TRAP1: variants seen among roughly 807,000 people sequenced by gnomAD.
TRAP1 encodes TNF receptor associated protein 1, also known as heat shock protein 75 kDa, mitochondrial.
A neutral mutation model predicts 89.1 loss-of-function variants in TRAP1; 102 were observed. The ratio of observed to expected loss-of-function variants is 1.15; its 90% confidence interval spans 0.98 to 1.35. TRAP1 has a LOEUF of 1.35. TRAP1 is among the 40% of genes most tolerant of loss of function. The pLI is 0.00. For synonymous variants in TRAP1, 508 were observed against 388.0 expected (o/e 1.31, Z -3.64); for missense variants, 1,256 against 945.3 (o/e 1.33, Z -4.31).
At chr16:3,710,513 C>G (rs528871336) in intron 1 of TRAP1, 1 of 152,254 alleles carries the variant, frequency 6.6e-6, no homozygotes, top group East Asian at 1.9e-4. Flanking sequence ...TGAAAACATC[C>G]AAGAGAGGTT....
Position 3,658,813 on chromosome 16 carries a change from C to T in TRAP1, c.1993G>A (p.Ala665Thr), listed in dbSNP as rs774787607. 1 of 1,613,806 alleles carries T rather than the reference C, an allele frequency of 6.2e-7. No individual in the cohort carries two copies. The highest frequency in any genetic ancestry group is 8.5e-7 in the Non-Finnish European group (1 of 1,179,942). The change falls in exon 17 of 18, where the codon GCT becomes ACT. Residue 665 changes from alanine (A) to threonine (T), a missense_variant. Transcript: ENST00000246957. ...CTCACCTGATCCACCAGCAGCTGAG[C>T]CAGGCCAGGCTCGCTTGCGCGCAGC... The part of the protein sequence containing the change: ...NQLRASEPGL[A>T]QLLVDQIYEN...
Position 3,662,963 on chromosome 16 carries a change from G to C in TRAP1, c.1713C>G (p.Ala571=), listed in dbSNP as rs144965528. 1 of 1,608,882 alleles carries C rather than the reference G, an allele frequency of 6.2e-7. No homozygotes were observed. The highest frequency in any genetic ancestry group is 1.7e-5 in the Admixed American group (1 of 59,958). The stretch of plus-strand genomic sequence containing the variant: ...CCGTCTCCTTCTCTGATAGGCACTC[G>C]GCGGCTGCGGAAGAGCAGGCGACAG... The part of the protein sequence containing the change: ...EEKFEDRSPA[A]ECLSEKETEE... The change falls in exon 15 of 18, where the codon GCC becomes GCG. Residue 571 remains alanine (A), a synonymous_variant. Transcript: ENST00000246957.
At chr16:3,698,263 G>A (rs2051316996) in intron 1 of TRAP1, among the ~76,000 whole-genome samples, 1 of 151,036 alleles carries the variant, frequency 6.6e-6, no homozygotes, top group African/African-American at 2.4e-5. Flanking sequence ...TAATTGAATT[G>A]ACAGCATTCT....
chr16:3,675,975 CTGG>C (rs1435240799), intron 7 of TRAP1, 58 bp downstream of exon 7: 1 of 1,418,052 alleles, frequency 7.1e-7, no homozygotes, highest in East Asian at 2.3e-5. Context: ...GCCTGCTGAC[CTGG>C]TGGCCTCCAG....
At chr16:3,691,919 G>T (rs1040809633) in intron 1 of TRAP1, among the ~76,000 whole-genome samples, 6 of 152,120 alleles carry the variant, frequency 3.9e-5, no homozygotes, top group African/African-American at 1.4e-4. Flanking sequence ...GCCCAGCGAG[G>T]GAGGAAAGCA....
chr16:3,712,413 T>G (rs147147803), intron 1 of TRAP1, among the ~76,000 whole-genome samples: 1 of 149,430 alleles, frequency 6.7e-6, no homozygotes, highest in South Asian at 2.1e-4. Flanking sequence ...TTTACTGACA[T>G]GGGGGGCAGG....
At chr16:3,667,560 G>C (rs2050852910) in intron 11 of TRAP1, among the ~76,000 whole-genome samples, 2 of 151,292 alleles carry the variant, frequency 1.3e-5, no homozygotes, top group Non-Finnish European at 2.9e-5. Flanking sequence ...GGGAGGCAGA[G>C]GTTTCGGTGA....
chr16:3,660,103 TG>T (rs2042985991), intron 16 of TRAP1: 1 of 152,144 alleles, frequency 6.6e-6, no homozygotes, highest in Admixed American at 6.5e-5. Context: ...ATTCTTAATA[TG>T]CTAATGTGGA....
At chr16:3,662,338 G>C (rs571706872) in intron 15 of TRAP1, 273 of 657,370 alleles carry the variant, frequency 4.2e-4, no homozygotes, top group Non-Finnish European at 6.5e-4. Context: ...TGTGCCCGAG[G>C]GGCTCCACCA....
intron 4 of TRAP1, among the ~76,000 whole-genome samples, chr16:3,682,264 CAT>C (rs1234822581): frequency 2.0e-5 from 3 of 151,490 alleles, no homozygotes; most frequent in African/African-American, 7.3e-5. Context: ...TAGAAGAAAA[CAT>C]AGGGCTGGAC....
intron 1 of TRAP1, among the ~76,000 whole-genome samples, chr16:3,716,870 T>TA (rs1459609293): frequency 6.6e-6 from 1 of 152,212 alleles, no homozygotes; most frequent in Non-Finnish European, 1.5e-5. Context: ...GGATGACTGC[T>TA]ATAGGTTTTG....
intron 1 of TRAP1, among the ~76,000 whole-genome samples, chr16:3,704,037 A>G (rs2051406125): frequency 6.6e-6 from 1 of 151,382 alleles, no homozygotes; most frequent in South Asian, 2.1e-4. Context: ...TCAAAAAACA[A>G]AACTATTTAC....
intron 4 of TRAP1, among the ~76,000 whole-genome samples, chr16:3,684,217 C>T (rs1237260328): frequency 6.6e-6 from 1 of 152,108 alleles, no homozygotes; most frequent in African/African-American, 2.4e-5. Flanking sequence ...CAGGTATATA[C>T]ATAAAATATT....
chr16:3,684,312 G>A (rs570344771), intron 4 of TRAP1, among the ~76,000 whole-genome samples: 1 of 152,170 alleles, frequency 6.6e-6, no homozygotes, highest in African/African-American at 2.4e-5. Flanking sequence ...ATCAATTCAA[G>A]CTAGACAGTG....
intron 6 of TRAP1, among the ~76,000 whole-genome samples, chr16:3,677,209 C>T (rs1476798150): frequency 6.6e-6 from 1 of 152,160 alleles, no homozygotes. Flanking sequence ...TAGTGTCCAC[C>T]AGGCGACAGG....
rs2051613633 is a variant in TRAP1 at position 3,717,479 on chromosome 16, C to T, written c.30G>A (p.Leu10=). The T allele has an allele frequency of 7.5e-7, 1 of 1,337,228 alleles. No homozygotes were observed. The highest frequency in any genetic ancestry group is 1.5e-5 in the African/African-American group (1 of 64,902). 82.8% of individuals were successfully genotyped at this position (1,337,228 alleles called of 1,614,324 possible). A position where few individuals can be genotyped will look rare whatever the true frequency, so the allele number is the denominator to read the frequency against. MARELRALL[L]WGRRLRPLLR... The stretch of plus-strand genomic sequence containing the variant: ...GCAAAGGCCGCAGGCGGCGGCCCCA[C>T]AGCAGCAGCGCCCGCAGCTCGCGCG... Residue 10 remains leucine (L), a synonymous_variant, in exon 1 of 18, where the codon CTG becomes CTA. Transcript: ENST00000246957.
chr16:3,703,284 A>G (rs2051393833), intron 1 of TRAP1, among the ~76,000 whole-genome samples: 2 of 151,652 alleles, frequency 1.3e-5, no homozygotes, highest in Admixed American at 6.6e-5. Context: ...GTCATTAAAT[A>G]ACCCACTTAA....
intron 10 of TRAP1, 90 bp from the exon 11 acceptor site, chr16:3,671,881 T>G: frequency 1.4e-6 from 2 of 1,400,808 alleles, no homozygotes; most frequent in Non-Finnish European, 2.0e-6. Flanking sequence ...TCTTCAGGCC[T>G]GGCCTTCAAC....
chr16:3,683,818 A>C (rs1413711161), intron 4 of TRAP1, among the ~76,000 whole-genome samples: 4 of 151,540 alleles, frequency 2.6e-5, no homozygotes, highest in Non-Finnish European at 5.9e-5. Context: ...TAGATTTTTC[A>C]GATGTAGACA....
Sources: gnomAD v4.1 joint callset for allele counts (sites outside exome capture counted in the v4.1 genomes callset) on GRCh38, gnomAD v4.1.1 for gene constraint, MANE v1.5 for transcripts, NCBI Gene and HGNC (gene_info 2026-07-23, HGNC 2026-07-21) for gene names.